SIRPG: variants seen among roughly 807,000 people sequenced by gnomAD.
The protein encoded by SIRPG is signal-regulatory protein gamma.
SIRPG carries 38 observed loss-of-function variants against 35.7 expected under a neutral mutation model. The ratio of observed to expected loss-of-function variants is 1.06; its 90% CI spans 0.82 to 1.40. SIRPG has a LOEUF of 1.40. Ranked by LOEUF, SIRPG falls within the 40% of genes most tolerant of loss-of-function variation. SIRPG has a pLI of 0.00. For synonymous variants in SIRPG, 215 were observed against 190.4 expected (o/e 1.13, Z -1.06); for missense variants, 519 against 483.0 (o/e 1.07, Z -0.70).
chr20:1,660,854 C>A (rs1005775376), upstream of SIRPG, among the ~76,000 whole-genome samples: 1 of 152,138 alleles, frequency 6.6e-6, no homozygotes, highest in African/African-American at 2.4e-5. Flanking sequence ...AGATGTAAGA[C>A]TGTGGGCTTA....
At chr20:1,678,015 T>C in the SIRPG span, among the ~76,000 whole-genome samples, 2 of 152,212 alleles carry the variant, frequency 1.3e-5, no homozygotes, top group African/African-American at 4.8e-5. Context: ...TATGTATATG[T>C]ATAGGAAAGC....
chr20:1,677,233 T>C, the SIRPG span, among the ~76,000 whole-genome samples: 1 of 152,192 alleles, frequency 6.6e-6, no homozygotes. Flanking sequence ...TGAATGGAGC[T>C]CCTGAGCCCT....
chr20:1,678,870 T>C, the SIRPG span, among the ~76,000 whole-genome samples: 2 of 152,220 alleles, frequency 1.3e-5, no homozygotes, highest in Non-Finnish European at 2.9e-5. Flanking sequence ...CGAGAGATCC[T>C]TGTAAGATTA....
the SIRPG span, among the ~76,000 whole-genome samples, chr20:1,684,292 CA>C: frequency 6.6e-6 from 1 of 151,854 alleles, no homozygotes; most frequent in South Asian, 2.1e-4. Context: ...TTTTCTCAAA[CA>C]AAAATAAAAT....
chr20:1,665,919 G>T, the SIRPG span, among the ~76,000 whole-genome samples: 1 of 151,990 alleles, frequency 6.6e-6, no homozygotes, highest in Admixed American at 6.6e-5. Context: ...AAAAAAAAGA[G>T]CCTCAGGCAC....
At chr20:1,654,705 G>T (rs2091964399) in intron 1 of SIRPG, among the ~76,000 whole-genome samples, 1 of 152,132 alleles carries the variant, frequency 6.6e-6, no homozygotes, top group African/African-American at 2.4e-5. Context: ...AACTAAAAAA[G>T]CTTCTACCCA....
chr20:1,642,640 G>T (rs1002599631), intron 2 of SIRPG, among the ~76,000 whole-genome samples: 2 of 152,178 alleles, frequency 1.3e-5, no homozygotes, highest in Non-Finnish European at 2.9e-5. Flanking sequence ...TTGCACACCA[G>T]TTGATGCGGT....
the SIRPG span, among the ~76,000 whole-genome samples, chr20:1,667,500 GA>G: frequency 6.6e-6 from 1 of 152,162 alleles, no homozygotes; most frequent in Non-Finnish European, 1.5e-5. Flanking sequence ...ATTGCAAAAG[GA>G]AAAGAATATT....
At chr20:1,630,333 A>G in intron 4 of SIRPG, 27 bp from the exon 5 acceptor site, 1 of 1,531,420 alleles carries the variant, frequency 6.5e-7, no homozygotes, top group Non-Finnish European at 8.8e-7. Context: ...ACGAGGGGCT[A>G]TGAGAGAGAC....
chr20:1,648,821 C>T (rs2122540596), intron 2 of SIRPG, among the ~76,000 whole-genome samples: 1 of 152,192 alleles, frequency 6.6e-6, no homozygotes. Flanking sequence ...AGCTGTAGAG[C>T]CAGACAGATT....
chr20:1,662,673 C>T (rs964469716), upstream of SIRPG, among the ~76,000 whole-genome samples: 3 of 152,180 alleles, frequency 2.0e-5, no homozygotes, highest in Admixed American at 1.3e-4. Flanking sequence ...TTATGAGGAT[C>T]ACAGAACAAC....
At chr20:1,632,527 G>C (rs915229754) in intron 4 of SIRPG, among the ~76,000 whole-genome samples, 1 of 152,148 alleles carries the variant, frequency 6.6e-6, no homozygotes, top group Non-Finnish European at 1.5e-5. Context: ...GCCAGCCCTG[G>C]TCCTGGTCCA....
chr20:1,653,122 G>T (rs3761271), intron 1 of SIRPG, among the ~76,000 whole-genome samples: 40,148 of 152,098 alleles, frequency 0.26, 5,923 homozygotes, highest in East Asian at 0.62. Context: ...ACACCACATT[G>T]CCCACTCCAC....
In SIRPG at chr20:1,657,688, A is replaced by T. The variant is rs144234748; in HGVS notation, c.27T>A (p.His9Gln). The T allele has an allele frequency of 1.3e-3, 2,035 of 1,614,158 alleles. 29 individuals carry two copies. The African/African-American group carries it at 0.025, about 20-fold the overall frequency. MPVPASWP[H>Q]PPGPFLLLTL... is the part of the protein sequence containing the mutation. ...TCAGAAGCAGGAAAGGACCAGGAGGATGGGGCCAGGAGGCTGGGACAGGCA... is the reference window on the plus strand; with the variant it reads ...TCAGAAGCAGGAAAGGACCAGGAGGTTGGGGCCAGGAGGCTGGGACAGGCA... The change falls in exon 1 of 6, where the codon CAT (histidine) becomes CAA (glutamine). Residue 9 changes from histidine to glutamine, a missense_variant. Physicochemically the swap from His to Gln is conservative, Grantham distance 24 (BLOSUM62 0). Transcript: ENST00000303415.
chr20:1,658,519 T>C (rs2091987003), upstream of SIRPG, among the ~76,000 whole-genome samples: 1 of 152,136 alleles, frequency 6.6e-6, no homozygotes, highest in Non-Finnish European at 1.5e-5. Flanking sequence ...ACCTATTTCA[T>C]TCATCACTGA....
chr20:1,636,995 T>C (rs977638409), intron 2 of SIRPG, among the ~76,000 whole-genome samples: 5 of 151,912 alleles, frequency 3.3e-5, no homozygotes, highest in African/African-American at 1.2e-4. Context: ...ATCTGCAAAG[T>C]GGGACAGCAG....
chr20:1,654,321 G>A lies in SIRPG; in HGVS notation c.73+3321C>T, dbSNP rs144927578. Reference sequence around the variant, plus strand: ...CTACAGTGTCAAAGTAATCAAAATGGCATGGCACTGGCATAAAAAGAGATA... The same window carrying A: ...CTACAGTGTCAAAGTAATCAAAATGACATGGCACTGGCATAAAAAGAGATA... On this transcript the variant is annotated intron_variant, in intron 1 of 5. Transcript: ENST00000303415. Among the ~76,000 whole-genome samples, 447 of 151,904 alleles carry A rather than the reference G, an allele frequency of 2.9e-3. 4 individuals are homozygous for A. The highest frequency in any genetic ancestry group is 0.01 in the African/African-American group (427 of 41,420).
At chr20:1,636,026 A>G (rs994403569) in intron 3 of SIRPG, among the ~76,000 whole-genome samples, 162 bp downstream of exon 3, 23 of 152,204 alleles carry the variant, frequency 1.5e-4, no homozygotes, top group African/African-American at 5.3e-4. Flanking sequence ...CGCTGCCAAT[A>G]AAATGATAGT....
chr20:1,631,925 G>T (rs1322843031), intron 4 of SIRPG, among the ~76,000 whole-genome samples: 3 of 152,196 alleles, frequency 2.0e-5, no homozygotes, highest in Non-Finnish European at 2.9e-5. Flanking sequence ...ATGAGTTAAG[G>T]TTCAGCGTGA....
Sources: allele counts gnomAD v4.1 joint callset (sites outside exome capture counted in the v4.1 genomes callset), GRCh38; gene constraint gnomAD v4.1.1; transcripts MANE v1.5; gene names NCBI Gene and HGNC (gene_info 2026-07-23, HGNC 2026-07-21).